The following PLA2G4E variants were observed in gnomAD, a reference collection of about 807,000 sequenced individuals.
PLA2G4E encodes cytosolic phospholipase A2 epsilon.
A neutral mutation model predicts 109.1 loss-of-function variants in PLA2G4E; 84 were observed. That is an observed-to-expected ratio of 0.77 (90% CI 0.65 to 0.92). PLA2G4E has a LOEUF of 0.92. Ranked by LOEUF, PLA2G4E falls within the 40% of genes least tolerant of loss-of-function variation. The probability of loss-of-function intolerance (pLI) is 0.00; values close to 1 mark genes in which losing one functional copy is unlikely to be tolerated. For synonymous variants in PLA2G4E, 469 were observed against 436.1 expected, an observed-to-expected ratio of 1.08 and a Z score of -0.94; for missense variants, 1,057 against 1,076.6, an observed-to-expected ratio of 0.98 and a Z score of 0.25.
intron 1 of PLA2G4E, among the ~76,000 whole-genome samples, chr15:42,015,685 T>A (rs1595570197): frequency 1.3e-5 from 2 of 152,190 alleles, no homozygotes; most frequent in Admixed American, 1.3e-4. Context: ...GGAGAGCAGG[T>A]CAAGCTGGCT....
chr15:41,999,453 A>G (rs1294681376), intron 10 of PLA2G4E, 71 bp downstream of exon 10: 1 of 1,165,242 alleles, frequency 8.6e-7, no homozygotes, highest in Non-Finnish European at 1.3e-6. Context: ...AATCAAAACC[A>G]CAGTGAGATA....
exon 20 of PLA2G4E, chr15:41,983,600 A>T (rs1037514255): frequency 4.5e-6 from 3 of 662,134 alleles, no homozygotes; most frequent in Non-Finnish European, 7.6e-6. Context: ...TCAACTTTTT[A>T]AAATTTTTTA....
chr15:42,016,494 G>A (rs2068596674), intron 1 of PLA2G4E, among the ~76,000 whole-genome samples: 3 of 151,828 alleles, frequency 2.0e-5, no homozygotes, highest in African/African-American at 7.3e-5. Flanking sequence ...TCACGACCAC[G>A]CCCGGCTAAT....
At chr15:41,987,313 C>A (rs575369201) in exon 17 of PLA2G4E, 1 of 1,614,004 alleles carries the variant, frequency 6.2e-7, no homozygotes, top group Admixed American at 1.7e-5. Context: ...CCTGGGATCA[C>A]TACCGTGGTC....
chr15:41,988,223 C>T, intron 15 of PLA2G4E, 67 bp from the exon 16 acceptor site: 1 of 1,040,246 alleles, frequency 9.6e-7, no homozygotes, highest in Non-Finnish European at 1.4e-6. Flanking sequence ...ACATTTGATT[C>T]CCCACTCCCC....
chr15:42,003,083 A>G (rs1021708583), intron 5 of PLA2G4E, among the ~76,000 whole-genome samples: 1 of 152,260 alleles, frequency 6.6e-6, no homozygotes, highest in Non-Finnish European at 1.5e-5. Context: ...TCCATTCTCC[A>G]TTCTGTGCTT....
At chr15:42,004,800 A>C in intron 5 of PLA2G4E, 138 bp downstream of exon 5, 1 of 910,852 alleles carries the variant, frequency 1.1e-6, no homozygotes, top group Non-Finnish European at 1.8e-6. Flanking sequence ...TGCACAGTGA[A>C]GAGTCAGGGT....
intron 11 of PLA2G4E, 105 bp downstream of exon 11, chr15:41,997,019 C>T (rs1049309371): frequency 2.2e-6 from 3 of 1,378,022 alleles, no homozygotes; most frequent in Non-Finnish European, 2.9e-6. Flanking sequence ...GTAAAAGCAT[C>T]CATGGAGGTG....
At chr15:41,990,280 G>T (rs1190357012) in intron 13 of PLA2G4E, 45 bp from the exon 14 acceptor site, 1 of 1,550,492 alleles carries the variant, frequency 6.4e-7, no homozygotes, top group Non-Finnish European at 8.9e-7. Flanking sequence ...AGCCCAGAGG[G>T]TGAGGGAGGC....
chr15:42,047,530 A>G (rs1281621218), intron 1 of PLA2G4E, among the ~76,000 whole-genome samples: 1 of 152,174 alleles, frequency 6.6e-6, no homozygotes, highest in Admixed American at 6.5e-5. Flanking sequence ...CCACCTCTCA[A>G]CAGTGTTGCG....
intron 1 of PLA2G4E, among the ~76,000 whole-genome samples, chr15:42,037,559 C>T (rs1219125373): frequency 6.6e-6 from 1 of 152,224 alleles, no homozygotes; most frequent in Non-Finnish European, 1.5e-5. Context: ...CCTTGTTCTT[C>T]CTGGTCACAG....
At chr15:42,036,923 C>T (rs866780886) in intron 1 of PLA2G4E, among the ~76,000 whole-genome samples, 14 of 152,328 alleles carry the variant, frequency 9.2e-5, no homozygotes, top group African/African-American at 3.4e-4. Context: ...GGCTTCTCCC[C>T]GCTGCCGGCG....
At chr15:41,990,283 A>G in intron 13 of PLA2G4E, 48 bp from the exon 14 acceptor site, 1 of 1,534,518 alleles carries the variant, frequency 6.5e-7, no homozygotes, top group Non-Finnish European at 9.0e-7. Flanking sequence ...CCAGAGGGTG[A>G]GGGAGGCAGT....
At chr15:42,004,596 G>A (rs1230342856) in intron 5 of PLA2G4E, among the ~76,000 whole-genome samples, 1 of 152,092 alleles carries the variant, frequency 6.6e-6, no homozygotes, top group South Asian at 2.1e-4. Context: ...TTCTCAGCTG[G>A]GCCTCAACAA....
exon 6 of PLA2G4E, chr15:42,002,665 C>A (rs1397551469): frequency 1.3e-6 from 2 of 1,585,608 alleles, no homozygotes; most frequent in Non-Finnish European, 1.7e-6. Context: ...ACCAGCACGC[C>A]ATTGGTGACG....
At chr15:42,035,509 G>C (rs1047244250) in intron 1 of PLA2G4E, among the ~76,000 whole-genome samples, 15 of 152,244 alleles carry the variant, frequency 9.9e-5, no homozygotes, top group Non-Finnish European at 1.8e-4. Context: ...AGCGAGTAAG[G>C]CTCAGTTGAA....
At chr15:42,044,994 G>T (rs1176989257) in intron 1 of PLA2G4E, among the ~76,000 whole-genome samples, 1 of 151,838 alleles carries the variant, frequency 6.6e-6, no homozygotes, top group Non-Finnish European at 1.5e-5. Context: ...TGATAGATTA[G>T]ATATGAGGGC....
rs774285330 is a variant in PLA2G4E at position 42,002,708 on chromosome 15, AAGGAG to A, written c.567-17_567-13del. On this transcript the variant is annotated splice_polypyrimidine_tract_variant and intron_variant, in intron 5 of 19. Transcript: ENST00000399518. ...CAGGTGGAGAGGGACTGAAAAACAA[AAGGAG>A]AACTCCTGGTCAATTCTAGCATTCT... 1 of 1,571,540 alleles carries A rather than the reference AAGGAG, an allele frequency of 6.4e-7. No individual in the cohort carries two copies. Among genetic ancestry groups the A allele is most frequent in the South Asian group, 1.2e-5 (1 of 85,202 alleles).
intron 11 of PLA2G4E, among the ~76,000 whole-genome samples, chr15:41,996,904 T>C (rs770951784): frequency 7.9e-5 from 12 of 152,156 alleles, no homozygotes; most frequent in Non-Finnish European, 1.5e-4. Context: ...GAGGAGGCGC[T>C]GGGGCTCTGT....
Sources: gnomAD v4.1 joint callset for allele counts (sites outside exome capture counted in the v4.1 genomes callset) on GRCh38, gnomAD v4.1.1 for gene constraint, MANE v1.5 for transcripts, NCBI Gene and HGNC (gene_info 2026-07-23, HGNC 2026-07-21) for gene names.